ITIH5: variants seen among roughly 807,000 people sequenced by gnomAD.
The protein encoded by ITIH5 is inter-alpha-trypsin inhibitor heavy chain H5.
A neutral mutation model predicts 77.5 loss-of-function variants in ITIH5; 65 were observed. The ratio of observed to expected loss-of-function variants is 0.84; its 90% CI spans 0.69 to 1.03. ITIH5 has a LOEUF of 1.03. Among genes scored for constraint, ITIH5 ranks in the 50% least tolerant of loss-of-function variants. The probability of loss-of-function intolerance (pLI) is 0.00; values close to 1 mark genes in which losing one functional copy is unlikely to be tolerated. For synonymous variants in ITIH5, 525 were observed against 494.3 expected (o/e 1.06, Z -0.82); for missense variants, 1,208 against 1,213.1 (o/e 1.00, Z 0.06).
chr10:7,641,855 G>A (rs1833894527), intron 3 of ITIH5, 72 bp downstream of exon 3: 7 of 1,259,734 alleles, frequency 5.6e-6, no homozygotes, highest in South Asian at 1.3e-5. Flanking sequence ...ACAAGGCTGT[G>A]GACCTCACAT....
chr10:7,640,670 A>T (rs1268238410), intron 4 of ITIH5, 84 bp downstream of exon 4: 23 of 782,234 alleles, frequency 2.9e-5, no homozygotes, highest in Non-Finnish European at 4.6e-5. Context: ...GGAAAGGAAG[A>T]CGACAAGAGG....
At chr10:7,633,705 T>G (rs1310120841) in intron 5 of ITIH5, among the ~76,000 whole-genome samples, 1 of 152,026 alleles carries the variant, frequency 6.6e-6, no homozygotes, top group Non-Finnish European at 1.5e-5. Context: ...TTATAAAAAT[T>G]GCATGAGATA....
At chr10:7,580,173 T>G in intron 8 of ITIH5, 109 bp from the exon 9 acceptor site, 1 of 937,420 alleles carries the variant, frequency 1.1e-6, no homozygotes, top group South Asian at 1.6e-5. Context: ...CAGGCTGGAG[T>G]GCAATGGCGC....
At chr10:7,607,951 TCCTGGGG>T (rs909040961) in intron 7 of ITIH5, among the ~76,000 whole-genome samples, 4 of 152,260 alleles carry the variant, frequency 2.6e-5, no homozygotes, top group Admixed American at 2.6e-4. Flanking sequence ...TTCTGATATT[TCCTGGGG>T]CCTTGCTTTC....
At chr10:7,649,842 C>T (rs1834068619) in intron 2 of ITIH5, among the ~76,000 whole-genome samples, 1 of 152,176 alleles carries the variant, frequency 6.6e-6, no homozygotes, top group South Asian at 2.1e-4. Context: ...AAGGCAGAGG[C>T]TCATGAAAAT....
At chr10:7,598,073 T>C (rs1381578764) in intron 7 of ITIH5, among the ~76,000 whole-genome samples, 1 of 152,168 alleles carries the variant, frequency 6.6e-6, no homozygotes, top group Non-Finnish European at 1.5e-5. Flanking sequence ...TGCTACTCCA[T>C]TGACTATAGT....
chr10:7,654,337 A>C (rs1350092410), intron 2 of ITIH5, among the ~76,000 whole-genome samples: 2 of 152,190 alleles, frequency 1.3e-5, no homozygotes, highest in Non-Finnish European at 2.9e-5. Flanking sequence ...CTGGGAGGCT[A>C]TTCTCCATGA....
In ITIH5 at chr10:7,643,878, G is replaced by A. The variant is rs145374021; in HGVS notation, c.136-1788C>T. On this transcript the variant is annotated intron_variant, in intron 2 of 13. Transcript: ENST00000397146. ...ACTCAAAATGTTTGCGTGAAATCAC[G>A]ATCTGCATACAAACCACCAAAAGCT... 9.3e-4 allele frequency among the ~76,000 whole-genome samples: 142 copies of A among 152,296 alleles called. 2 individuals are homozygous for A. The East Asian group carries it at 0.022, about 23-fold the overall frequency.
At position 7,561,286 on chromosome 10, in the gene ITIH5, G is replaced by C. The variant is rs1432291733; in HGVS notation, c.*1797C>G. On this transcript the variant is annotated 3_prime_UTR_variant, in exon 14 of 14. Coordinates refer to ENST00000397146, the MANE Select transcript of ITIH5 (RefSeq NM_030569.7). ...TTCTGCAGTGTCGAGACTTACACCT[G>C]GAACAACAGATCACTGCTCCAAGTG... 6.6e-6 allele frequency: 1 copy of C among 152,234 alleles called. No homozygotes were observed. 9.4% of individuals were successfully genotyped at this position (152,234 alleles called of 1,614,324 possible).
intron 1 of ITIH5, among the ~76,000 whole-genome samples, chr10:7,662,299 G>A (rs182499569): frequency 3.6e-4 from 55 of 152,200 alleles, no homozygotes; most frequent in African/African-American, 1.3e-3. Context: ...GGAGGTTGCA[G>A]TGAGCCAAGA....
chr10:7,652,206 A>G lies in ITIH5; in HGVS notation c.135+3425T>C, dbSNP rs116203514. Among the ~76,000 whole-genome samples, 1,037 of 152,324 alleles carry G rather than the reference A, an allele frequency of 6.8e-3. 14 individuals are homozygous for G. Among genetic ancestry groups the G allele is most frequent in the African/African-American group, 0.023 (965 of 41,584 alleles). ...AAAGGGTATCTAATTAATTCAGAATAAAATCAAACAAATTCCTGTGGTCCT... is the reference window on the plus strand; with the variant it reads ...AAAGGGTATCTAATTAATTCAGAATGAAATCAAACAAATTCCTGTGGTCCT... On this transcript the variant is annotated intron_variant, in intron 2 of 13. Coordinates refer to ENST00000397146, the MANE Select transcript of ITIH5 (RefSeq NM_030569.7).
chr10:7,567,171 G>A (rs1250399560), intron 12 of ITIH5, among the ~76,000 whole-genome samples: 15 of 151,210 alleles, frequency 9.9e-5, no homozygotes, highest in Non-Finnish European at 1.5e-5. Context: ...GTAGATGGAG[G>A]CATGAAGCTA....
intron 7 of ITIH5, among the ~76,000 whole-genome samples, chr10:7,591,376 C>T (rs1020432360): frequency 6.6e-6 from 1 of 151,612 alleles, no homozygotes; most frequent in Non-Finnish European, 1.5e-5. Flanking sequence ...AGGGGCTGCC[C>T]TCCTTCCCCG....
rs1588376834 is a variant in ITIH5 at position 7,586,724 on chromosome 10, G to A, written c.940-655C>T. Among the ~76,000 whole-genome samples, 8 of 152,238 alleles carry A rather than the reference G, an allele frequency of 5.3e-5. No individual in the cohort carries two copies. In the South Asian group the frequency reaches 1.7e-3, roughly 32 times the overall value. On this transcript the variant is annotated intron_variant, in intron 7 of 13. Transcript: ENST00000397146. ...AATGCCCAAATAATAAATACCATAG[G>A]AATTGAAAAGATTATTACTATGGGC...
chr10:7,647,303 G>T (rs76570107), intron 2 of ITIH5, among the ~76,000 whole-genome samples: 1 of 152,294 alleles, frequency 6.6e-6, no homozygotes, highest in African/African-American at 2.4e-5. Context: ...GTCTATGGCT[G>T]CTTTTCTGCT....
At chr10:7,647,184 T>A (rs1198283620) in intron 2 of ITIH5, among the ~76,000 whole-genome samples, 5 of 152,238 alleles carry the variant, frequency 3.3e-5, no homozygotes, top group Non-Finnish European at 1.5e-5. Flanking sequence ...CAGATGTCCC[T>A]GCTCTCTCAT....
chr10:7,629,313 GCGTGTGCC>G lies in ITIH5; in HGVS notation c.652+7907_652+7914del, dbSNP rs1281316361. 2.6e-4 allele frequency among the ~76,000 whole-genome samples: 28 copies of G among 106,160 alleles called. 2 individuals carry two copies. Among genetic ancestry groups the G allele is most frequent in the African/African-American group, 8.1e-4 (18 of 22,206 alleles). 69.6% of individuals were successfully genotyped at this position (106,160 alleles called of 152,430 possible). On this transcript the variant is annotated intron_variant, in intron 5 of 13. Coordinates refer to ENST00000397146, the MANE Select transcript of ITIH5 (RefSeq NM_030569.7). Reference sequence around the variant, plus strand: ...TGTTGTAGCGTGTGTCCATGTTGTAGCGTGTGCCCATGTTGTAGCGTGTGCCCATGTTG... The same window carrying G: ...TGTTGTAGCGTGTGTCCATGTTGTAGCATGTTGTAGCGTGTGCCCATGTTG...
rs34105815 is a variant in ITIH5 at position 7,631,961 on chromosome 10, ATTT to A, written c.652+5264_652+5266del. On this transcript the variant is annotated intron_variant, in intron 5 of 13. Coordinates refer to ENST00000397146, the MANE Select transcript of ITIH5 (RefSeq NM_030569.7). ...GCCACCACGCCTAGCTAATTTTTGT[ATTT>A]TTTTTTTTTTTTTTAGTAGAAATGG... Among the ~76,000 whole-genome samples the A allele has an allele frequency of 9.8e-3, 1,371 of 139,460 alleles. 15 individuals are homozygous for A. Among genetic ancestry groups the A allele is most frequent in the East Asian group, 0.056 (267 of 4,776 alleles). The allele number at this position is 139,460 out of a possible 152,430, so 91.5% of individuals were successfully genotyped here.
Position 7,629,401 on chromosome 10 carries a change from T to C in ITIH5, c.652+7827A>G, listed in dbSNP as rs76405756. Among the ~76,000 whole-genome samples the C allele has an allele frequency of 3.5e-4, 53 of 149,922 alleles. 7 individuals carry two copies. The highest frequency in any genetic ancestry group is 3.1e-4 in the Non-Finnish European group (21 of 66,998). ...CATGTTGTAGCGTGTGTCCATGTTGTAGAGTGTGTCCATGTTGTAGCGTGT... is the reference window on the plus strand; with the variant it reads ...CATGTTGTAGCGTGTGTCCATGTTGCAGAGTGTGTCCATGTTGTAGCGTGT... On this transcript the variant is annotated intron_variant, in intron 5 of 13. Coordinates refer to ENST00000397146, the MANE Select transcript of ITIH5 (RefSeq NM_030569.7).
Sources: allele counts gnomAD v4.1 joint callset (sites outside exome capture counted in the v4.1 genomes callset), GRCh38; gene constraint gnomAD v4.1.1; transcripts MANE v1.5; gene names NCBI Gene and HGNC (gene_info 2026-07-23, HGNC 2026-07-21).